RIMS1: variants seen among roughly 807,000 people sequenced by gnomAD.
RIMS1 encodes the protein regulating synaptic membrane exocytosis 1.
RIMS1 carries 83 observed loss-of-function variants against 214.1 expected under a neutral mutation model. That is an observed-to-expected ratio of 0.39 (90% CI 0.32 to 0.47). The LOEUF is 0.47. RIMS1 is among the 20% of genes least tolerant of loss of function. The pLI is 0.99. For missense variants in RIMS1, 2,050 were observed against 2,161.8 expected (o/e 0.95, Z 1.03); for synonymous variants, 793 against 786.8 (o/e 1.01, Z -0.13).
intron 28 of RIMS1, chr6:72,317,480 CTATT>C (rs1293725279): frequency 5.9e-6 from 1 of 168,470 alleles, no homozygotes; most frequent in Admixed American, 6.3e-5. Context: ...GAATGTTCTT[CTATT>C]TATTTGAGGA....
At chr6:72,115,493 C>T (rs1359686076) in intron 4 of RIMS1, among the ~76,000 whole-genome samples, 1 of 151,814 alleles carries the variant, frequency 6.6e-6, no homozygotes, top group East Asian at 1.9e-4. Flanking sequence ...TTTCTTCCCG[C>T]TTAGACTTTT....
At chr6:72,270,331 C>T (rs150758517) in intron 22 of RIMS1, among the ~76,000 whole-genome samples, 142 of 152,180 alleles carry the variant, frequency 9.3e-4, no homozygotes, top group African/African-American at 3.2e-3. Flanking sequence ...AATAAAAATA[C>T]ATATGTGTGT....
chr6:72,245,477 C>A (rs949717900), intron 10 of RIMS1, among the ~76,000 whole-genome samples: 5 of 151,934 alleles, frequency 3.3e-5, no homozygotes, highest in Non-Finnish European at 7.4e-5. Flanking sequence ...ATTTTGATTT[C>A]CTATAATTGA....
At chr6:71,937,055 C>CAA (rs1784659537) in intron 1 of RIMS1, among the ~76,000 whole-genome samples, 1 of 152,212 alleles carries the variant, frequency 6.6e-6, no homozygotes, top group Non-Finnish European at 1.5e-5. Flanking sequence ...CGGTGCTTTC[C>CAA]TTTTAGCCAG....
chr6:72,364,971 A>G (rs2097942357), intron 29 of RIMS1, among the ~76,000 whole-genome samples: 1 of 152,200 alleles, frequency 6.6e-6, no homozygotes, highest in Admixed American at 6.5e-5. Context: ...TGCTTCCAGT[A>G]AGACAGCATC....
chr6:72,015,084 G>GAGAT (rs1386288183), intron 2 of RIMS1, among the ~76,000 whole-genome samples: 5 of 152,206 alleles, frequency 3.3e-5, no homozygotes, highest in Middle Eastern at 6.8e-3. Context: ...TATAGACAAG[G>GAGAT]AGATACCTTG....
chr6:72,057,498 C>CTT (rs56115719), intron 2 of RIMS1, among the ~76,000 whole-genome samples: 131 of 126,208 alleles, frequency 1.0e-3, no homozygotes, highest in Non-Finnish European at 1.3e-3. Flanking sequence ...CCTTCTTTTT[C>CTT]TTTTTTTTTT....
chr6:72,043,755 C>G (rs1172604577), intron 2 of RIMS1, among the ~76,000 whole-genome samples: 3 of 151,378 alleles, frequency 2.0e-5, no homozygotes, highest in Non-Finnish European at 4.4e-5. Context: ...TAATTCTACT[C>G]ATAGCTTAAA....
At chr6:72,114,531 A>G (rs1375517279) in intron 4 of RIMS1, among the ~76,000 whole-genome samples, 1 of 151,954 alleles carries the variant, frequency 6.6e-6, no homozygotes, top group Admixed American at 6.6e-5. Context: ...ATTTTAAAGG[A>G]AATATCAAAT....
At chr6:72,001,911 G>A (rs898566680) in intron 2 of RIMS1, among the ~76,000 whole-genome samples, 3 of 152,076 alleles carry the variant, frequency 2.0e-5, no homozygotes, top group South Asian at 2.1e-4. Flanking sequence ...TGAATTATGA[G>A]GATGAGGATA....
At chr6:72,022,886 A>G (rs996602045) in intron 2 of RIMS1, among the ~76,000 whole-genome samples, 1 of 152,194 alleles carries the variant, frequency 6.6e-6, no homozygotes, top group Non-Finnish European at 1.5e-5. Flanking sequence ...CAGAGGCTTT[A>G]TTCATAATGT....
intron 6 of RIMS1, among the ~76,000 whole-genome samples, chr6:72,213,792 G>A (rs564862115): frequency 5.3e-5 from 8 of 152,132 alleles, no homozygotes; most frequent in Non-Finnish European, 1.2e-4. Flanking sequence ...AGGTCAAATG[G>A]AATATATGAA....
chr6:72,319,136 T>G (rs1427085281), intron 28 of RIMS1, among the ~76,000 whole-genome samples: 1 of 152,160 alleles, frequency 6.6e-6, no homozygotes, highest in East Asian at 1.9e-4. Context: ...CTAGAGACTT[T>G]ATCCCAAGTT....
At chr6:72,263,134 G>A (rs1160658076) in intron 19 of RIMS1, 1 of 984,530 alleles carries the variant, frequency 1.0e-6, no homozygotes, top group African/African-American at 1.7e-5. Flanking sequence ...GTTTTTGTGA[G>A]TCAAATACAT....
At chr6:72,231,776 G>A (rs913266492) in intron 6 of RIMS1, among the ~76,000 whole-genome samples, 1 of 151,586 alleles carries the variant, frequency 6.6e-6, no homozygotes, top group Non-Finnish European at 1.5e-5. Context: ...TCAGCTTTTG[G>A]TCCTTTGCCT....
At chr6:72,171,307 A>G (rs992101861) in intron 4 of RIMS1, among the ~76,000 whole-genome samples, 1 of 149,948 alleles carries the variant, frequency 6.7e-6, no homozygotes, top group Non-Finnish European at 1.5e-5. Flanking sequence ...ATTTATACCT[A>G]ATACATATAC....
In RIMS1 at chr6:72,350,809, T is replaced by C. The variant is rs551994248; in HGVS notation, c.4366+16974T>C. Among the ~76,000 whole-genome samples, 3 of 152,246 alleles carry C rather than the reference T, an allele frequency of 2.0e-5. No homozygotes were observed. The East Asian group carries it at 5.8e-4, about 29-fold the overall frequency. On this transcript the variant is annotated intron_variant, in intron 29 of 33. Transcript: ENST00000521978. ...TCTTTCTTTATAGAACTTTAGCTTT[T>C]ACAAAGCCCTTTCATGCTCACCAGC...
intron 2 of RIMS1, among the ~76,000 whole-genome samples, chr6:71,983,443 G>T (rs1266718487): frequency 1.3e-5 from 2 of 150,248 alleles, no homozygotes; most frequent in Non-Finnish European, 3.0e-5. Flanking sequence ...CAGAAAAAAA[G>T]GGTTTTTTTT....
intron 18 of RIMS1, among the ~76,000 whole-genome samples, chr6:72,260,172 G>C (rs1233027479): frequency 6.6e-6 from 1 of 152,040 alleles, no homozygotes; most frequent in East Asian, 1.9e-4. Flanking sequence ...TCAATATAGT[G>C]AAATTAATTT....
Sources: gnomAD v4.1 joint callset for allele counts (sites outside exome capture counted in the v4.1 genomes callset) on GRCh38, gnomAD v4.1.1 for gene constraint, MANE v1.5 for transcripts, NCBI Gene and HGNC (gene_info 2026-07-23, HGNC 2026-07-21) for gene names.